The following ADCY5 variants were observed in gnomAD, a reference collection of about 807,000 sequenced individuals.
ADCY5 encodes the protein adenylate cyclase 5.
A neutral mutation model predicts 119.7 loss-of-function variants in ADCY5; 30 were observed. That is an observed-to-expected ratio of 0.25 (90% CI 0.19 to 0.34). ADCY5 has a LOEUF of 0.34. ADCY5 is among the 10% of genes least tolerant of loss of function. The pLI is 1.00. For missense variants in ADCY5, 1,324 were observed against 1,775.2 expected (o/e 0.75, Z 4.57); for synonymous variants, 753 against 762.2 (o/e 0.99, Z 0.20).
chr3:123,330,740 C>T (rs1941721902), intron 5 of ADCY5, 149 bp downstream of exon 5: 5 of 1,084,306 alleles, frequency 4.6e-6, no homozygotes, highest in Middle Eastern at 3.2e-4. Flanking sequence ...GTGGCACACG[C>T]CAACCCTCAG....
At chr3:123,369,353 A>G (rs1219926724) in intron 1 of ADCY5, among the ~76,000 whole-genome samples, 1 of 152,262 alleles carries the variant, frequency 6.6e-6, no homozygotes, top group African/African-American at 2.4e-5. Flanking sequence ...TGTGGTGTTC[A>G]GTTACAGCAA....
chr3:123,389,681 C>G (rs1944345806), intron 1 of ADCY5, among the ~76,000 whole-genome samples: 1 of 152,070 alleles, frequency 6.6e-6, no homozygotes, highest in African/African-American at 2.4e-5. Context: ...GGGACACTAA[C>G]CCTGAGGTTA....
chr3:123,447,358 A>G (rs1024240445), intron 1 of ADCY5, 54 bp downstream of exon 1: 3 of 1,444,954 alleles, frequency 2.1e-6, no homozygotes, highest in Non-Finnish European at 2.7e-6. Context: ...TTTGGAGTCC[A>G]GCTGAGGCCT....
chr3:123,363,346 T>C (rs1429201633), intron 1 of ADCY5, among the ~76,000 whole-genome samples: 1 of 152,162 alleles, frequency 6.6e-6, no homozygotes, highest in Non-Finnish European at 1.5e-5. Context: ...ATAGTAATAA[T>C]GTTGGCAAGA....
rs539496493 is a variant in ADCY5, at chr3:123,402,807, C to A, written c.1134+44605G>T. 2.4e-4 allele frequency among the ~76,000 whole-genome samples: 35 copies of A among 145,814 alleles called. No individual in the cohort carries two copies. In the South Asian group the frequency reaches 7.4e-3, roughly 31 times the overall value. On this transcript the variant is annotated intron_variant, in intron 1 of 20. Transcript: ENST00000462833. ...GGCGGAGCTTGCAGTGAGCCGAGAT[C>A]GCGCCACTGCACTCCAGCCTGGGCA...
rs566873653 is a variant in ADCY5 at position 123,404,475 on chromosome 3, T to C, written c.1134+42937A>G. 16 of 152,628 alleles carry C rather than the reference T, an allele frequency of 1.0e-4. No individual in the cohort carries two copies. The Middle Eastern group carries it at 0.01, about 97-fold the overall frequency. The allele number at this position is 152,628 out of a possible 1,614,324, so 9.5% of individuals were successfully genotyped here. On this transcript the variant is annotated intron_variant, in intron 1 of 20. Transcript: ENST00000462833. ...TCCATCCAGACCTCCCACTCCACCA[T>C]GGTCAGGGGCCAGGAGGTGGGCAGT...
chr3:123,316,491 C>A (rs917090852), intron 11 of ADCY5, among the ~76,000 whole-genome samples: 2 of 152,170 alleles, frequency 1.3e-5, no homozygotes, highest in African/African-American at 4.8e-5. Context: ...TATACAGTTA[C>A]GGAAGTTGTC....
intron 20 of ADCY5, among the ~76,000 whole-genome samples, chr3:123,285,133 T>C (rs572443520): frequency 2.2e-4 from 33 of 152,300 alleles, no homozygotes; most frequent in African/African-American, 7.0e-4. Flanking sequence ...CCCCGGTGCA[T>C]TGTACAAAAG....
At chr3:123,357,444 A>T (rs1332594574) in intron 1 of ADCY5, among the ~76,000 whole-genome samples, 1 of 152,158 alleles carries the variant, frequency 6.6e-6, no homozygotes, top group Non-Finnish European at 1.5e-5. Flanking sequence ...CTCCTGCTGT[A>T]ATCTGACTCC....
chr3:123,372,385 G>A (rs1366743603), intron 1 of ADCY5, among the ~76,000 whole-genome samples: 1 of 152,114 alleles, frequency 6.6e-6, no homozygotes, highest in Non-Finnish European at 1.5e-5. Flanking sequence ...ATGCCCAACT[G>A]GGCAGGCTAT....
At chr3:123,396,946 C>A (rs1351840253) in intron 1 of ADCY5, among the ~76,000 whole-genome samples, 1 of 152,096 alleles carries the variant, frequency 6.6e-6, no homozygotes. Context: ...CCTCACCCTT[C>A]CCATGACTTT....
chr3:123,301,392 A>G (rs918667616), intron 14 of ADCY5, among the ~76,000 whole-genome samples: 1 of 152,210 alleles, frequency 6.6e-6, no homozygotes, highest in Non-Finnish European at 1.5e-5. Context: ...GAACAGGAGC[A>G]GAAGAGGGAA....
At position 123,283,951 on chromosome 3, in the gene ADCY5, T is replaced by TTTA. The variant is rs1234372347; in HGVS notation, c.*654_*656dup. 2 of 152,010 alleles carry TTTA rather than the reference T, an allele frequency of 1.3e-5. No individual in the cohort carries two copies. Among genetic ancestry groups the TTTA allele is most frequent in the Admixed American group, 6.5e-5 (1 of 15,278 alleles). 9.4% of individuals were successfully genotyped at this position (152,010 alleles called of 1,614,324 possible). ...GAAGGGCACGGAGAACTTGTTTTGT[T>TTTA]TTATTTAATAAATATTTTTCTCAGA... On this transcript the variant is annotated 3_prime_UTR_variant, in exon 21 of 21. Transcript: ENST00000462833.
chr3:123,288,119 T>G (rs1010681645), intron 19 of ADCY5, among the ~76,000 whole-genome samples: 1 of 152,152 alleles, frequency 6.6e-6, no homozygotes, highest in African/African-American at 2.4e-5. Context: ...CAGTGCAGGA[T>G]GCAAACCTGG....
At chr3:123,430,778 C>A (rs1379331176) in intron 1 of ADCY5, among the ~76,000 whole-genome samples, 2 of 152,198 alleles carry the variant, frequency 1.3e-5, no homozygotes, top group African/African-American at 4.8e-5. Flanking sequence ...CAGGTCCCAG[C>A]CCCACAGCTG....
intron 1 of ADCY5, among the ~76,000 whole-genome samples, chr3:123,438,212 G>A (rs951475847): frequency 2.0e-5 from 3 of 152,208 alleles, no homozygotes; most frequent in African/African-American, 7.2e-5. Context: ...TCGGAAAATG[G>A]TGCTGGAGTC....
At position 123,448,343 on chromosome 3, in the gene ADCY5, CGCT is replaced by C. The variant is rs752225486; in HGVS notation, c.200_202del (p.Gln67del). ...GTCGCTGCGCCAGCGGCTGGCCAGG[CGCT>C]GCTGCTGCTGCGGGGTCACCGCCCC... On this transcript the variant is annotated inframe_deletion, in exon 1 of 21. Coordinates refer to ENST00000462833, the MANE Select transcript of ADCY5 (RefSeq NM_183357.3). The C allele has an allele frequency of 6.3e-5, 96 of 1,524,742 alleles. No homozygotes were observed. The highest frequency in any genetic ancestry group is 1.3e-4 in the South Asian group (11 of 83,110). The allele number at this position is 1,524,742 out of a possible 1,614,324, so 94.5% of individuals were successfully genotyped here.
intron 1 of ADCY5, among the ~76,000 whole-genome samples, chr3:123,378,061 A>C (rs1943901617): frequency 6.6e-6 from 1 of 152,230 alleles, no homozygotes; most frequent in Non-Finnish European, 1.5e-5. Flanking sequence ...GCACTCAACC[A>C]AAGCTTCTGA....
chr3:123,336,954 T>C (rs1441113169), intron 3 of ADCY5, among the ~76,000 whole-genome samples: 1 of 152,224 alleles, frequency 6.6e-6, no homozygotes, highest in Non-Finnish European at 1.5e-5. Context: ...CTTAATCGTC[T>C]GGGGTGGGCT....
Sources: allele counts gnomAD v4.1 joint callset (sites outside exome capture counted in the v4.1 genomes callset), GRCh38; gene constraint gnomAD v4.1.1; transcripts MANE v1.5; gene names NCBI Gene and HGNC (gene_info 2026-07-23, HGNC 2026-07-21).